The following DNAH7 variants were observed in gnomAD, a reference collection of about 807,000 sequenced individuals.
DNAH7 encodes the protein dynein axonemal heavy chain 7.
In DNAH7, 397 loss-of-function variants were observed where a neutral mutation model predicts 444.6. That is an observed-to-expected ratio of 0.89 (90% CI 0.82 to 0.97). The LOEUF is 0.97. Ranked by LOEUF, DNAH7 falls within the 50% of genes least tolerant of loss-of-function variation. The pLI, the probability that DNAH7 is intolerant of heterozygous loss-of-function variation, is 0.00. For synonymous variants in DNAH7, 1,636 were observed against 1,624.4 expected, an observed-to-expected ratio of 1.01 and a Z score of -0.17; for missense variants, 4,902 against 4,800.8, an observed-to-expected ratio of 1.02 and a Z score of -0.62.
intron 54 of DNAH7, among the ~76,000 whole-genome samples, chr2:195,803,969 T>C (rs1210310396): frequency 6.6e-6 from 1 of 152,146 alleles, no homozygotes; most frequent in Non-Finnish European, 1.5e-5. Context: ...TTAGTGAGAC[T>C]CTTACATTTT....
intron 58 of DNAH7, among the ~76,000 whole-genome samples, chr2:195,785,201 G>A (rs976098374): frequency 2.6e-5 from 4 of 152,088 alleles, no homozygotes; most frequent in African/African-American, 7.2e-5. Flanking sequence ...GTGAGCCACC[G>A]CACCCGGCCG....
At chr2:195,978,798 T>C (rs1043498355) in intron 15 of DNAH7, among the ~76,000 whole-genome samples, 1 of 152,050 alleles carries the variant, frequency 6.6e-6, no homozygotes, top group African/African-American at 2.4e-5. Flanking sequence ...AAAAAGTAGA[T>C]TTCAAGATAA....
chr2:195,761,097 C>T lies in DNAH7; in HGVS notation c.11434-4812G>A, dbSNP rs369425320. On this transcript the variant is annotated intron_variant, in intron 61 of 64. Transcript: ENST00000312428. ...TGCAAAAAAAGATTCCAAATAACACCGAGAAGGAATCCAGAATCCTATGAG... is the reference window on the plus strand; with the variant it reads ...TGCAAAAAAAGATTCCAAATAACACTGAGAAGGAATCCAGAATCCTATGAG... Among the ~76,000 whole-genome samples, 5 of 150,838 alleles carry T rather than the reference C, an allele frequency of 3.3e-5. No individual in the cohort carries two copies. The South Asian group carries it at 6.4e-4, about 19-fold the overall frequency.
chr2:195,824,966 TA>T (rs1486968213), intron 48 of DNAH7: 1 of 152,256 alleles, frequency 6.6e-6, no homozygotes, highest in Non-Finnish European at 1.5e-5. Context: ...ACTCACACAG[TA>T]TATAGATTGA....
intron 19 of DNAH7, among the ~76,000 whole-genome samples, chr2:195,948,798 A>T (rs907512433): frequency 2.6e-5 from 4 of 152,064 alleles, no homozygotes; most frequent in African/African-American, 9.7e-5. Flanking sequence ...TCCATATGAA[A>T]TTTAAAGTGG....
intron 41 of DNAH7, among the ~76,000 whole-genome samples, chr2:195,863,561 C>T (rs540259978): frequency 5.9e-5 from 9 of 152,246 alleles, no homozygotes; most frequent in African/African-American, 1.4e-4. Flanking sequence ...CTGGCTTTCT[C>T]GCTCTTAACT....
chr2:195,798,024 G>A (rs1305938814), intron 55 of DNAH7, among the ~76,000 whole-genome samples: 1 of 152,220 alleles, frequency 6.6e-6, no homozygotes, highest in East Asian at 1.9e-4. Context: ...AATAGGACAA[G>A]TTCACCTATT....
chr2:195,940,073 T>G (rs1456551490), intron 19 of DNAH7, among the ~76,000 whole-genome samples: 1 of 152,152 alleles, frequency 6.6e-6, no homozygotes, highest in Non-Finnish European at 1.5e-5. Flanking sequence ...AAAACAATCC[T>G]AAGCAAAAAG....
chr2:195,802,482 G>A (rs1393984642), intron 54 of DNAH7, among the ~76,000 whole-genome samples: 3 of 151,848 alleles, frequency 2.0e-5, no homozygotes, highest in Non-Finnish European at 2.9e-5. Flanking sequence ...CCTAGGCAAC[G>A]AGAACGAAAC....
chr2:195,961,006 GT>G, intron 17 of DNAH7, 61 bp from the exon 18 acceptor site: 1 of 1,319,960 alleles, frequency 7.6e-7, no homozygotes, highest in Non-Finnish European at 9.9e-7. Flanking sequence ...TGCAAATTAA[GT>G]TTTTTTAAAT....
Position 196,019,165 on chromosome 2 carries a change from C to G in DNAH7, c.869+5G>C. The G allele has an allele frequency of 6.8e-7, 1 of 1,464,522 alleles. No homozygotes were observed. 90.7% of individuals were successfully genotyped at this position (1,464,522 alleles called of 1,614,324 possible). On this transcript the variant is annotated splice_donor_5th_base_variant and intron_variant, in intron 9 of 64. Transcript: ENST00000312428. ...AAAAACCTCTATAAGGCCACATATA[C>G]TCACTTAAAATTAGTGTGCCACAAA...
At chr2:195,816,111 A>G (rs985515948) in intron 51 of DNAH7, among the ~76,000 whole-genome samples, 1 of 152,222 alleles carries the variant, frequency 6.6e-6, no homozygotes, top group African/African-American at 2.4e-5. Flanking sequence ...TCTTAATTCC[A>G]TTACTTATTG....
In DNAH7 at chr2:195,960,249, T is replaced by C; in HGVS notation, c.2891+11A>G. 6.3e-7 allele frequency: 1 copy of C among 1,580,818 alleles called. No homozygotes were observed. The highest frequency in any genetic ancestry group is 8.6e-7 in the Non-Finnish European group (1 of 1,164,006). On this transcript the variant is annotated intron_variant, in intron 18 of 64. Transcript: ENST00000312428. ...CATAGCATAAACATTGCCATATAAATATCACTTTACCTCATTTGTTTTTCA... is the reference window on the plus strand; with the variant it reads ...CATAGCATAAACATTGCCATATAAACATCACTTTACCTCATTTGTTTTTCA...
At chr2:195,844,656 C>T (rs1698878438) in intron 47 of DNAH7, among the ~76,000 whole-genome samples, 1 of 152,186 alleles carries the variant, frequency 6.6e-6, no homozygotes, top group Non-Finnish European at 1.5e-5. Context: ...CCACCAATGA[C>T]ACACTAATGC....
At chr2:195,874,656 C>A (rs961554728) in intron 38 of DNAH7, among the ~76,000 whole-genome samples, 4 of 150,876 alleles carry the variant, frequency 2.7e-5, no homozygotes, top group African/African-American at 9.8e-5. Context: ...CTTGTCTCCA[C>A]AAAATATGAA....
intron 21 of DNAH7, among the ~76,000 whole-genome samples, chr2:195,931,161 C>T (rs1489977099): frequency 1.3e-5 from 2 of 152,122 alleles, no homozygotes; most frequent in Admixed American, 1.3e-4. Flanking sequence ...CAAACCTGCA[C>T]ATGTACCCCT....
At chr2:196,025,165 G>T (rs1167741686) in intron 7 of DNAH7, among the ~76,000 whole-genome samples, 1 of 152,036 alleles carries the variant, frequency 6.6e-6, no homozygotes, top group Non-Finnish European at 1.5e-5. Flanking sequence ...GTCAGGGAGG[G>T]GAGTGTCCTG....
intron 61 of DNAH7, among the ~76,000 whole-genome samples, chr2:195,762,575 A>G (rs1559078997): frequency 6.6e-6 from 1 of 152,230 alleles, no homozygotes; most frequent in East Asian, 1.9e-4. Flanking sequence ...GAGCAGGAGT[A>G]GCTATACTTA....
intron 49 of DNAH7, among the ~76,000 whole-genome samples, chr2:195,821,411 A>T (rs1391174779): frequency 6.6e-6 from 1 of 152,200 alleles, no homozygotes; most frequent in African/African-American, 2.4e-5. Context: ...CCTACCCCTG[A>T]AATCAGCAGA....
Sources: gnomAD v4.1 joint callset for allele counts (sites outside exome capture counted in the v4.1 genomes callset) on GRCh38, gnomAD v4.1.1 for gene constraint, MANE v1.5 for transcripts, NCBI Gene and HGNC (gene_info 2026-07-23, HGNC 2026-07-21) for gene names.